RNU4ATAC: variants seen among roughly 807,000 people sequenced by gnomAD.
RNU4ATAC encodes the protein RNA, U4atac small nuclear.
At chr2:121,530,883 C>A (rs564290155) in exon 1 of RNU4ATAC, 2 of 692,172 alleles carry the variant, frequency 2.9e-6, no homozygotes, top group African/African-American at 1.8e-5. Flanking sequence ...CTATTATAAC[C>A]ATCCTTTTCT....
In RNU4ATAC at chr2:121,530,921, C is replaced by T. The variant is rs555609754; in HGVS notation, n.41C>T. On this transcript the variant is annotated non_coding_transcript_exon_variant, in exon 1 of 1. Transcript: ENST00000580972. The stretch of plus-strand genomic sequence containing the variant: ...GGGTTGCGCTACTGTCCAATGAGCG[C>T]ATAGTGAGGGCAGTACTGCTAACGC... 1.0e-3 allele frequency: 712 copies of T among 699,880 alleles called. No homozygotes were observed. The highest frequency in any genetic ancestry group is 1.3e-3 in the African/African-American group (72 of 57,290). 43.4% of individuals were successfully genotyped at this position (699,880 alleles called of 1,614,324 possible).
chr2:121,530,895 G>T (rs750325275), exon 1 of RNU4ATAC: 8 of 693,924 alleles, frequency 1.2e-5, no homozygotes, highest in African/African-American at 8.8e-5. Context: ...TCCTTTTCTT[G>T]GGGTTGCGCT....
At position 121,530,930 on chromosome 2, in the gene RNU4ATAC, G is replaced by A. The variant is rs188343279; in HGVS notation, n.50G>A. ...TACTGTCCAATGAGCGCATAGTGAGGGCAGTACTGCTAACGCCTGAACAAC... is the reference window on the plus strand; with the variant it reads ...TACTGTCCAATGAGCGCATAGTGAGAGCAGTACTGCTAACGCCTGAACAAC... On this transcript the variant is annotated non_coding_transcript_exon_variant, in exon 1 of 1. Coordinates refer to ENST00000580972, the Ensembl canonical transcript of RNU4ATAC. 4.9e-4 allele frequency: 340 copies of A among 700,358 alleles called. No homozygotes were observed. The highest frequency in any genetic ancestry group is 6.7e-4 in the South Asian group (45 of 67,504). The allele number at this position is 700,358 out of a possible 1,614,324, so 43.4% of individuals were successfully genotyped here. A position where few individuals can be genotyped will look rare whatever the true frequency, so the allele number is the denominator to read the frequency against.
At chr2:121,530,954 A>AC (rs762551882) in exon 1 of RNU4ATAC, 1 of 700,430 alleles carries the variant, frequency 1.4e-6, no homozygotes, top group South Asian at 1.5e-5. Context: ...CGCCTGAACA[A>AC]CACACCCGCA....
chr2:121,530,907 C>G lies in RNU4ATAC; in HGVS notation n.27C>G. 2.9e-6 allele frequency: 2 copies of G among 697,654 alleles called. No individual in the cohort carries two copies. Among genetic ancestry groups the G allele is most frequent in the Non-Finnish European group, 2.6e-6 (1 of 382,590 alleles). 43.2% of individuals were successfully genotyped at this position (697,654 alleles called of 1,614,324 possible). A position where few individuals can be genotyped will look rare whatever the true frequency, so the allele number is the denominator to read the frequency against. On this transcript the variant is annotated non_coding_transcript_exon_variant, in exon 1 of 1. Coordinates refer to ENST00000580972, the Ensembl canonical transcript of RNU4ATAC. ...CCATCCTTTTCTTGGGGTTGCGCTA[C>G]TGTCCAATGAGCGCATAGTGAGGGC... is the stretch of plus-strand genomic sequence containing the variant.
In RNU4ATAC at chr2:121,530,900, T is replaced by G. The variant is rs966589874; in HGVS notation, n.20T>G. 21 of 695,550 alleles carry G rather than the reference T, an allele frequency of 3.0e-5. No individual in the cohort carries two copies. Among genetic ancestry groups the G allele is most frequent in the Middle Eastern group, 7.3e-4 (2 of 2,744 alleles). The allele number at this position is 695,550 out of a possible 1,614,324, so 43.1% of individuals were successfully genotyped here. ...ATTATAACCATCCTTTTCTTGGGGT[T>G]GCGCTACTGTCCAATGAGCGCATAG... On this transcript the variant is annotated non_coding_transcript_exon_variant, in exon 1 of 1. Transcript: ENST00000580972.
rs942326759 is a variant in RNU4ATAC, at chr2:121,530,938, T to A, written n.58T>A. 7.1e-6 allele frequency: 5 copies of A among 700,316 alleles called. No individual in the cohort carries two copies. Among genetic ancestry groups the A allele is most frequent in the Admixed American group, 6.0e-5 (3 of 49,994 alleles). The allele number at this position is 700,316 out of a possible 1,614,324, so 43.4% of individuals were successfully genotyped here. A position where few individuals can be genotyped will look rare whatever the true frequency, so the allele number is the denominator to read the frequency against. ...AATGAGCGCATAGTGAGGGCAGTAC[T>A]GCTAACGCCTGAACAACACACCCGC... On this transcript the variant is annotated non_coding_transcript_exon_variant, in exon 1 of 1. Coordinates refer to ENST00000580972, the Ensembl canonical transcript of RNU4ATAC.
rs950868962 is a variant in RNU4ATAC at position 121,530,954 on chromosome 2, A to G, written n.74A>G. On this transcript the variant is annotated non_coding_transcript_exon_variant, in exon 1 of 1. Coordinates refer to ENST00000580972, the Ensembl canonical transcript of RNU4ATAC. Reference sequence around the variant, plus strand: ...GGGCAGTACTGCTAACGCCTGAACAACACACCCGCATCAACTAGAGCTTTT... The same window carrying G: ...GGGCAGTACTGCTAACGCCTGAACAGCACACCCGCATCAACTAGAGCTTTT... 2.1e-5 allele frequency: 15 copies of G among 700,312 alleles called. No homozygotes were observed. The highest frequency in any genetic ancestry group is 6.0e-5 in the Admixed American group (3 of 49,994). 43.4% of individuals were successfully genotyped at this position (700,312 alleles called of 1,614,324 possible).
In RNU4ATAC at chr2:121,530,945, G is replaced by C. The variant is rs377619732; in HGVS notation, n.65G>C. 1 of 700,388 alleles carries C rather than the reference G, an allele frequency of 1.4e-6. No individual in the cohort carries two copies. Among genetic ancestry groups the C allele is most frequent in the Non-Finnish European group, 2.6e-6 (1 of 384,812 alleles). The allele number at this position is 700,388 out of a possible 1,614,324, so 43.4% of individuals were successfully genotyped here. ...GCATAGTGAGGGCAGTACTGCTAAC[G>C]CCTGAACAACACACCCGCATCAACT... On this transcript the variant is annotated non_coding_transcript_exon_variant, in exon 1 of 1. Transcript: ENST00000580972.
exon 1 of RNU4ATAC, chr2:121,530,927 G>GA (rs1553615600): frequency 4.3e-6 from 3 of 699,834 alleles, no homozygotes; most frequent in Non-Finnish European, 7.8e-6. Context: ...AGCGCATAGT[G>GA]AGGGCAGTAC....
exon 1 of RNU4ATAC, chr2:121,530,922 A>AT (rs1559533853): frequency 4.3e-6 from 3 of 699,950 alleles, no homozygotes; most frequent in Non-Finnish European, 7.8e-6. Context: ...CAATGAGCGC[A>AT]TAGTGAGGGC....
rs115435830 is a variant in RNU4ATAC at position 121,530,937 on chromosome 2, C to T, written n.57C>T. 1,614 of 700,392 alleles carry T rather than the reference C, an allele frequency of 2.3e-3. 18 individuals are homozygous for T. Among genetic ancestry groups the T allele is most frequent in the African/African-American group, 0.019 (1,079 of 57,292 alleles). The allele number at this position is 700,392 out of a possible 1,614,324, so 43.4% of individuals were successfully genotyped here. A position where few individuals can be genotyped will look rare whatever the true frequency, so the allele number is the denominator to read the frequency against. ...CAATGAGCGCATAGTGAGGGCAGTA[C>T]TGCTAACGCCTGAACAACACACCCG... On this transcript the variant is annotated non_coding_transcript_exon_variant, in exon 1 of 1. Coordinates refer to ENST00000580972, the Ensembl canonical transcript of RNU4ATAC.
rs1380374717 is a variant in RNU4ATAC, at chr2:121,530,950, A to AT, written n.70_71insT. 8.6e-6 allele frequency: 6 copies of AT among 700,270 alleles called. No individual in the cohort carries two copies. The African/African-American group carries it at 8.7e-5, about 10-fold the overall frequency. The allele number at this position is 700,270 out of a possible 1,614,324, so 43.4% of individuals were successfully genotyped here. On this transcript the variant is annotated non_coding_transcript_exon_variant, in exon 1 of 1. Transcript: ENST00000580972. The stretch of plus-strand genomic sequence containing the variant: ...GTGAGGGCAGTACTGCTAACGCCTG[A>AT]ACAACACACCCGCATCAACTAGAGC...
In RNU4ATAC at chr2:121,530,915, T is replaced by G. The variant is rs1048449886; in HGVS notation, n.35T>G. ...TTCTTGGGGTTGCGCTACTGTCCAA[T>G]GAGCGCATAGTGAGGGCAGTACTGC... is the stretch of plus-strand genomic sequence containing the variant. On this transcript the variant is annotated non_coding_transcript_exon_variant, in exon 1 of 1. Transcript: ENST00000580972. 1.5e-4 allele frequency: 106 copies of G among 699,208 alleles called. No individual in the cohort carries two copies. Among genetic ancestry groups the G allele is most frequent in the East Asian group, 3.5e-4 (13 of 37,264 alleles). The allele number at this position is 699,208 out of a possible 1,614,324, so 43.3% of individuals were successfully genotyped here. A position where few individuals can be genotyped will look rare whatever the true frequency, so the allele number is the denominator to read the frequency against.
chr2:121,530,902 C>T lies in RNU4ATAC; in HGVS notation n.22C>T, dbSNP rs144448852. 2.9e-3 allele frequency: 2,034 copies of T among 695,470 alleles called. 5 individuals carry two copies. Among genetic ancestry groups the T allele is most frequent in the Middle Eastern group, 4.1e-3 (11 of 2,714 alleles). The allele number at this position is 695,470 out of a possible 1,614,324, so 43.1% of individuals were successfully genotyped here. ...TATAACCATCCTTTTCTTGGGGTTG[C>T]GCTACTGTCCAATGAGCGCATAGTG... On this transcript the variant is annotated non_coding_transcript_exon_variant, in exon 1 of 1. Transcript: ENST00000580972.
exon 1 of RNU4ATAC, chr2:121,530,910 T>A (rs910631799): frequency 1.1e-5 from 8 of 699,018 alleles, no homozygotes; most frequent in Non-Finnish European, 2.1e-5. Context: ...TGCGCTACTG[T>A]CCAATGAGCG....
In RNU4ATAC at chr2:121,530,922, A is replaced by G. The variant is rs553096682; in HGVS notation, n.42A>G. On this transcript the variant is annotated non_coding_transcript_exon_variant, in exon 1 of 1. Coordinates refer to ENST00000580972, the Ensembl canonical transcript of RNU4ATAC. ...GGTTGCGCTACTGTCCAATGAGCGC[A>G]TAGTGAGGGCAGTACTGCTAACGCC... is the stretch of plus-strand genomic sequence containing the variant. 386 of 699,950 alleles carry G rather than the reference A, an allele frequency of 5.5e-4. 2 individuals carry two copies. The East Asian group carries it at 7.5e-3, about 14-fold the overall frequency. The allele number at this position is 699,950 out of a possible 1,614,324, so 43.4% of individuals were successfully genotyped here.
In RNU4ATAC at chr2:121,530,952, C is replaced by T. The variant is rs549662600; in HGVS notation, n.72C>T. On this transcript the variant is annotated non_coding_transcript_exon_variant, in exon 1 of 1. Coordinates refer to ENST00000580972, the Ensembl canonical transcript of RNU4ATAC. The stretch of plus-strand genomic sequence containing the variant: ...GAGGGCAGTACTGCTAACGCCTGAA[C>T]AACACACCCGCATCAACTAGAGCTT... 1.1e-4 allele frequency: 76 copies of T among 700,418 alleles called. No homozygotes were observed. Among genetic ancestry groups the T allele is most frequent in the South Asian group, 5.0e-4 (34 of 67,506 alleles). 43.4% of individuals were successfully genotyped at this position (700,418 alleles called of 1,614,324 possible). A position where few individuals can be genotyped will look rare whatever the true frequency, so the allele number is the denominator to read the frequency against.
chr2:121,530,978 T>TA (rs755338710), exon 1 of RNU4ATAC: 4 of 700,322 alleles, frequency 5.7e-6, no homozygotes, highest in Non-Finnish European at 1.0e-5. Flanking sequence ...ACTAGAGCTT[T>TA]TGCTTTATTT....
Sources: allele counts gnomAD v4.1 joint callset, GRCh38; gene constraint gnomAD v4.1.1; transcripts MANE v1.5; gene names NCBI Gene and HGNC (gene_info 2026-07-23, HGNC 2026-07-21).